NKAIN2: variants seen among roughly 807,000 people sequenced by gnomAD.
The protein encoded by NKAIN2 is sodium/potassium transporting ATPase interacting 2.
Under a neutral mutation model 32.6 loss-of-function variants are expected in NKAIN2, and 14 were observed. That is an observed-to-expected ratio of 0.43 (90% confidence interval 0.28 to 0.67). The LOEUF is 0.67. Ranked by LOEUF, NKAIN2 falls within the 30% of genes least tolerant of loss-of-function variation. The pLI is 0.17. For synonymous variants in NKAIN2, 80 were observed against 87.2 expected (o/e 0.92, Z 0.46); for missense variants, 198 against 258.3 (o/e 0.77, Z 1.60).
chr6:124,557,281 T>C (rs909963769), intron 3 of NKAIN2, among the ~76,000 whole-genome samples: 1 of 152,172 alleles, frequency 6.6e-6, no homozygotes. Context: ...AATGTTAACA[T>C]TGGGAAATTT....
chr6:124,419,111 C>A (rs1774632682), intron 3 of NKAIN2, among the ~76,000 whole-genome samples: 1 of 152,144 alleles, frequency 6.6e-6, no homozygotes, highest in Admixed American at 6.5e-5. Context: ...TTTGCCTCCA[C>A]TTCTAAGCAT....
At chr6:124,728,051 A>G (rs1342862518) in intron 4 of NKAIN2, among the ~76,000 whole-genome samples, 1 of 151,632 alleles carries the variant, frequency 6.6e-6, no homozygotes, top group Non-Finnish European at 1.5e-5. Context: ...CACCCGGATT[A>G]ATAAAGCAAG....
intron 1 of NKAIN2, among the ~76,000 whole-genome samples, chr6:124,201,978 G>A (rs1274600190): frequency 6.6e-6 from 1 of 151,802 alleles, no homozygotes; most frequent in African/African-American, 2.4e-5. Flanking sequence ...TTCATGTTTG[G>A]TTGTGTATTA....
intron 5 of NKAIN2, among the ~76,000 whole-genome samples, chr6:124,810,755 T>G (rs547119220): frequency 6.6e-6 from 1 of 152,194 alleles, no homozygotes; most frequent in Admixed American, 6.5e-5. Flanking sequence ...TGAACAAGTT[T>G]AGGAAGCGAA....
intron 1 of NKAIN2, among the ~76,000 whole-genome samples, chr6:124,280,228 G>A (rs1377271501): frequency 6.6e-6 from 1 of 151,774 alleles, no homozygotes; most frequent in African/African-American, 2.4e-5. Context: ...GTTAAAAGAG[G>A]GAAAAACTAA....
chr6:124,808,337 A>G (rs1780698998), intron 5 of NKAIN2, among the ~76,000 whole-genome samples: 1 of 152,162 alleles, frequency 6.6e-6, no homozygotes, highest in South Asian at 2.1e-4. Flanking sequence ...AATATACGCA[A>G]ATCAATAAAT....
chr6:124,632,557 G>T (rs1783611823), intron 3 of NKAIN2, among the ~76,000 whole-genome samples: 1 of 152,080 alleles, frequency 6.6e-6, no homozygotes, highest in Non-Finnish European at 1.5e-5. Flanking sequence ...TCTTAAAAGT[G>T]TTCCTTAAAA....
intron 2 of NKAIN2, among the ~76,000 whole-genome samples, chr6:124,289,256 T>C (rs1401202153): frequency 6.6e-6 from 1 of 152,212 alleles, no homozygotes; most frequent in African/African-American, 2.4e-5. Flanking sequence ...ACTTTTTGTT[T>C]TACTACATTT....
chr6:124,186,213 G>GGAAA (rs879279014), intron 1 of NKAIN2, among the ~76,000 whole-genome samples: 13,117 of 137,150 alleles, frequency 0.096, 1,441 homozygotes, highest in African/African-American at 0.3. Context: ...AAGGAAAGAA[G>GGAAA]GAAGGAAGGA....
chr6:123,814,809 T>G (rs1307559320), intron 1 of NKAIN2, among the ~76,000 whole-genome samples: 4 of 152,154 alleles, frequency 2.6e-5, no homozygotes. Flanking sequence ...GAATAAAAAT[T>G]TACATGCAAT....
rs545756773 is a variant in NKAIN2, at chr6:124,685,227, T to C, written c.474+26841T>C. ...GAAGTAAACATGTGGAAGGTCACTA[T>C]AGAAAATGGAGTAACATTAAAAAAA... On this transcript the variant is annotated intron_variant, in intron 4 of 6. Coordinates refer to ENST00000368417, the MANE Select transcript of NKAIN2 (RefSeq NM_001040214.3). Among the ~76,000 whole-genome samples the C allele has an allele frequency of 4.6e-5, 7 of 152,288 alleles. No individual in the cohort carries two copies. The East Asian group carries it at 5.8e-4, about 13-fold the overall frequency.
rs139382885 is a variant in NKAIN2, at chr6:123,934,475, T to C, written c.54+130221T>C. On this transcript the variant is annotated intron_variant, in intron 1 of 6. Transcript: ENST00000368417. ...TCCTTTTCCTCAGTTTTTATAGGACTTAGGTTCTAGCCATTTATTTTATGC... is the reference window on the plus strand; with the variant it reads ...TCCTTTTCCTCAGTTTTTATAGGACCTAGGTTCTAGCCATTTATTTTATGC... Among the ~76,000 whole-genome samples the C allele has an allele frequency of 9.7e-3, 1,470 of 152,300 alleles. 7 individuals carry two copies. Among genetic ancestry groups the C allele is most frequent in the Middle Eastern group, 0.02 (6 of 294 alleles).
chr6:124,199,661 T>A (rs997176030), intron 1 of NKAIN2, among the ~76,000 whole-genome samples: 1 of 152,158 alleles, frequency 6.6e-6, no homozygotes, highest in Non-Finnish European at 1.5e-5. Context: ...TCTTAACTGT[T>A]TAAAGATCAC....
chr6:123,841,220 A>G (rs913863092), intron 1 of NKAIN2, among the ~76,000 whole-genome samples: 2 of 152,172 alleles, frequency 1.3e-5, no homozygotes. Flanking sequence ...TATCTTTGGG[A>G]ACTTTAACAT....
chr6:124,774,389 T>C (rs1340845645), intron 4 of NKAIN2, among the ~76,000 whole-genome samples: 1 of 152,148 alleles, frequency 6.6e-6, no homozygotes, highest in Non-Finnish European at 1.5e-5. Context: ...TCTGGAAGGA[T>C]GGCATTGTCA....
At chr6:124,676,627 T>C (rs1463392189) in intron 4 of NKAIN2, among the ~76,000 whole-genome samples, 2 of 152,050 alleles carry the variant, frequency 1.3e-5, no homozygotes, top group Non-Finnish European at 2.9e-5. Context: ...AGAGACAGAG[T>C]CTCACTCTGT....
chr6:123,830,936 T>A (rs1774354040), intron 1 of NKAIN2, among the ~76,000 whole-genome samples: 1 of 152,184 alleles, frequency 6.6e-6, no homozygotes, highest in Non-Finnish European at 1.5e-5. Context: ...TCTCTGCAGG[T>A]TTGTAGAGAT....
chr6:123,854,676 A>G (rs1056375554), intron 1 of NKAIN2, among the ~76,000 whole-genome samples: 43 of 152,178 alleles, frequency 2.8e-4, no homozygotes, highest in Admixed American at 1.3e-4. Context: ...TTAGCCTTAG[A>G]GTACATAAGT....
intron 3 of NKAIN2, among the ~76,000 whole-genome samples, chr6:124,518,914 G>A (rs1227766277): frequency 6.6e-6 from 1 of 152,180 alleles, no homozygotes; most frequent in Non-Finnish European, 1.5e-5. Flanking sequence ...TTTAGAACAT[G>A]TGAGGTACTT....
Sources: gnomAD v4.1 joint callset for allele counts (sites outside exome capture counted in the v4.1 genomes callset) on GRCh38, gnomAD v4.1.1 for gene constraint, MANE v1.5 for transcripts, NCBI Gene and HGNC (gene_info 2026-07-23, HGNC 2026-07-21) for gene names.